The following ZBTB20 variants were observed in gnomAD, a reference collection of about 807,000 sequenced individuals.
The protein encoded by ZBTB20 is zinc finger and BTB domain-containing protein 20.
ZBTB20 carries 9 observed loss-of-function variants against 56.9 expected under a neutral mutation model. That is an observed-to-expected ratio of 0.16 (90% confidence interval 0.10 to 0.28). The LOEUF (loss-of-function observed/expected upper bound fraction) is 0.28, where lower values mean the gene tolerates loss of function less well. Ranked by LOEUF, ZBTB20 falls within the 10% of genes least tolerant of loss-of-function variation. ZBTB20 has a pLI of 1.00. For synonymous variants in ZBTB20, 417 were observed against 420.7 expected (o/e 0.99, Z 0.11); for missense variants, 655 against 1,003.0 (o/e 0.65, Z 4.69).
At chr3:114,633,258 A>G (rs574138196) in intron 6 of ZBTB20, among the ~76,000 whole-genome samples, 71 of 152,320 alleles carry the variant, frequency 4.7e-4, no homozygotes, top group African/African-American at 1.4e-3. Context: ...TGCTGGGCCT[A>G]CAGTCAAATG....
chr3:114,700,266 C>T (rs1214765277), intron 5 of ZBTB20, among the ~76,000 whole-genome samples: 2 of 151,924 alleles, frequency 1.3e-5, no homozygotes, highest in African/African-American at 2.4e-5. Context: ...TTGTTCCTCA[C>T]AGAAATAATT....
intron 6 of ZBTB20, among the ~76,000 whole-genome samples, chr3:114,516,736 T>C (rs1391047099): frequency 6.6e-6 from 1 of 151,968 alleles, no homozygotes; most frequent in Non-Finnish European, 1.5e-5. Flanking sequence ...AGGGAGAACA[T>C]CATGTGACGA....
chr3:115,120,541 A>C (rs1459093781), intron 1 of ZBTB20, among the ~76,000 whole-genome samples: 1 of 152,130 alleles, frequency 6.6e-6, no homozygotes, highest in African/African-American at 2.4e-5. Flanking sequence ...GATTGAAACC[A>C]TCAGGATGAA....
At chr3:114,572,131 G>A (rs2053510107) in intron 6 of ZBTB20, among the ~76,000 whole-genome samples, 1 of 152,184 alleles carries the variant, frequency 6.6e-6, no homozygotes, top group South Asian at 2.1e-4. Flanking sequence ...AATTCAGAGA[G>A]ACTTAGTAAC....
At chr3:115,030,948 T>C (rs1384829259) in intron 2 of ZBTB20, among the ~76,000 whole-genome samples, 1 of 151,468 alleles carries the variant, frequency 6.6e-6, no homozygotes, top group Non-Finnish European at 1.5e-5. Flanking sequence ...AGTACCCTAG[T>C]ACTTTAATAA....
intron 3 of ZBTB20, among the ~76,000 whole-genome samples, chr3:114,924,313 T>C (rs746171075): frequency 6.6e-6 from 1 of 152,134 alleles, no homozygotes; most frequent in Non-Finnish European, 1.5e-5. Context: ...TAAGTATCCA[T>C]CAATGGGTAA....
At chr3:114,471,124 G>A (rs2040079862) in intron 7 of ZBTB20, among the ~76,000 whole-genome samples, 1 of 152,156 alleles carries the variant, frequency 6.6e-6, no homozygotes, top group African/African-American at 2.4e-5. Flanking sequence ...CAACACTCAA[G>A]AAAGGTTCTC....
chr3:114,368,928 C>G (rs996578370), intron 10 of ZBTB20, among the ~76,000 whole-genome samples: 1 of 152,328 alleles, frequency 6.6e-6, no homozygotes, highest in South Asian at 2.1e-4. Flanking sequence ...TCAGGTGTAC[C>G]TATAAAGACC....
chr3:115,106,567 T>G (rs1410611972), intron 1 of ZBTB20, among the ~76,000 whole-genome samples: 2 of 152,114 alleles, frequency 1.3e-5, no homozygotes, highest in Admixed American at 6.5e-5. Flanking sequence ...AGTCATCTAT[T>G]TTAAAATTGT....
At chr3:114,645,713 T>C (rs1054199365) in intron 6 of ZBTB20, among the ~76,000 whole-genome samples, 1 of 151,342 alleles carries the variant, frequency 6.6e-6, no homozygotes, top group Non-Finnish European at 1.5e-5. Flanking sequence ...CAAGTATACT[T>C]TTATTATGGA....
rs2078821335 is a variant in ZBTB20 at position 114,319,653 on chromosome 3, A to G, written c.*19352T>C. The G allele has an allele frequency of 6.6e-6, 1 of 152,168 alleles. No individual in the cohort carries two copies. 9.4% of individuals were successfully genotyped at this position (152,168 alleles called of 1,614,324 possible). The stretch of plus-strand genomic sequence containing the variant: ...GCTTCTTTAGCATATGCTGATACCA[A>G]TGAGTCACTGACAGTCCCCAGGTTG... On this transcript the variant is annotated 3_prime_UTR_variant, in exon 12 of 12. Coordinates refer to ENST00000675478, the MANE Select transcript of ZBTB20 (RefSeq NM_001348800.3).
chr3:114,860,567 C>T (rs1203060955), intron 4 of ZBTB20, among the ~76,000 whole-genome samples: 1 of 152,180 alleles, frequency 6.6e-6, no homozygotes, highest in African/African-American at 2.4e-5. Flanking sequence ...AGCCCTCATA[C>T]TCAATGCATC....
intron 4 of ZBTB20, among the ~76,000 whole-genome samples, chr3:114,886,131 A>G (rs534585112): frequency 6.6e-6 from 1 of 152,372 alleles, no homozygotes; most frequent in African/African-American, 2.4e-5. Context: ...GGGAAAACAC[A>G]AAGATTTCCT....
intron 5 of ZBTB20, among the ~76,000 whole-genome samples, chr3:114,735,779 T>C (rs983066739): frequency 1.3e-5 from 2 of 152,148 alleles, no homozygotes; most frequent in African/African-American, 4.8e-5. Flanking sequence ...ATATATTATA[T>C]TGAAAGACTT....
At chr3:114,511,221 T>A (rs567855066) in intron 6 of ZBTB20, among the ~76,000 whole-genome samples, 1 of 152,046 alleles carries the variant, frequency 6.6e-6, no homozygotes, top group Non-Finnish European at 1.5e-5. Flanking sequence ...GCTAAGAATC[T>A]CATTGGATAA....
intron 2 of ZBTB20, among the ~76,000 whole-genome samples, chr3:114,977,229 C>G (rs1047527299): frequency 6.6e-6 from 1 of 152,172 alleles, no homozygotes; most frequent in African/African-American, 2.4e-5. Flanking sequence ...ATTCCTAATG[C>G]AAGCACAAGC....
chr3:114,350,747 G>A lies in ZBTB20; in HGVS notation c.1331C>T (p.Thr444Ile), dbSNP rs766845109. 1 of 1,614,238 alleles carries A rather than the reference G, an allele frequency of 6.2e-7. No homozygotes were observed. ...ERSNEVEMDS[T>I]VITVSNSSDK... ...GGAGCTGTTGCTGACAGTGATAACAGTGCTGTCCATCTCCACTTCATTGCT... is the reference window on the plus strand; with the variant it reads ...GGAGCTGTTGCTGACAGTGATAACAATGCTGTCCATCTCCACTTCATTGCT... Residue 444 changes from threonine (T) to isoleucine (I), a missense_variant, in exon 11 of 12, where the codon ACT (threonine) becomes ATT (isoleucine). This residue lies in a region of ZBTB20 where 156 missense variants were observed against 181.0 expected (regional missense o/e 0.86). Coordinates refer to ENST00000675478, the MANE Select transcript of ZBTB20 (RefSeq NM_001348800.3).
At chr3:114,701,229 TTTG>T (rs1199026396) in intron 5 of ZBTB20, among the ~76,000 whole-genome samples, 2 of 152,218 alleles carry the variant, frequency 1.3e-5, no homozygotes, top group Non-Finnish European at 2.9e-5. Context: ...CCCACTTCTG[TTTG>T]TTAACTCATT....
At chr3:114,753,391 G>GTATATATAATGTATA (rs2067739432) in intron 5 of ZBTB20, among the ~76,000 whole-genome samples, 1 of 16,086 alleles carries the variant, frequency 6.2e-5, no homozygotes, top group African/African-American at 1.2e-4. Flanking sequence ...ACACATACAT[G>GTATATATAATGTATA]TATGTATATA....
Sources: allele counts gnomAD v4.1 joint callset (sites outside exome capture counted in the v4.1 genomes callset), GRCh38; gene constraint gnomAD v4.1.1; regional missense constraint gnomAD v4.1.1; transcripts MANE v1.5; gene names NCBI Gene and HGNC (gene_info 2026-07-23, HGNC 2026-07-21).